The following SEPTIN9 variants were observed in gnomAD, a reference collection of about 807,000 sequenced individuals.
The protein encoded by SEPTIN9 is septin 9.
SEPTIN9 carries 13 observed loss-of-function variants against 56.6 expected under a neutral mutation model. That is an observed-to-expected ratio of 0.23 (90% CI 0.15 to 0.37). The LOEUF is 0.37. Ranked by LOEUF, SEPTIN9 falls within the 10% of genes least tolerant of loss-of-function variation. The probability of loss-of-function intolerance (pLI) is 1.00; values close to 1 mark genes in which losing one functional copy is unlikely to be tolerated. For synonymous variants in SEPTIN9, 332 were observed against 334.1 expected, an observed-to-expected ratio of 0.99 and a Z score of 0.07; for missense variants, 650 against 823.1, an observed-to-expected ratio of 0.79 and a Z score of 2.57.
At chr17:77,365,254 T>G (rs2034537921) in intron 2 of SEPTIN9, among the ~76,000 whole-genome samples, 1 of 152,186 alleles carries the variant, frequency 6.6e-6, no homozygotes, top group Non-Finnish European at 1.5e-5. Context: ...TGACTGCAGA[T>G]GTATTTTGCT....
intron 3 of SEPTIN9, among the ~76,000 whole-genome samples, chr17:77,474,422 G>A (rs1319907011): frequency 6.6e-6 from 1 of 152,236 alleles, no homozygotes; most frequent in Non-Finnish European, 1.5e-5. Context: ...ATGCTAATGT[G>A]CTTTGATAGG....
chr17:77,466,526 C>T (rs1568093140), intron 3 of SEPTIN9: 8 of 985,474 alleles, frequency 8.1e-6, no homozygotes, highest in Non-Finnish European at 9.6e-6. Flanking sequence ...AAGAAGCGGG[C>T]ATTTCTTCCA....
At chr17:77,424,143 G>A (rs760499799) in intron 3 of SEPTIN9, among the ~76,000 whole-genome samples, 4 of 152,250 alleles carry the variant, frequency 2.6e-5, no homozygotes, top group Admixed American at 6.5e-5. Context: ...CGCTGGGCTC[G>A]AAGCTTTATG....
At chr17:77,386,286 A>G (rs531189248) in intron 2 of SEPTIN9, among the ~76,000 whole-genome samples, 17 of 152,180 alleles carry the variant, frequency 1.1e-4, no homozygotes, top group African/African-American at 2.9e-4. Flanking sequence ...TGTTGCTGCA[A>G]TGGGCCCAGG....
rs1281071134 is a variant in SEPTIN9 at position 77,317,784 on chromosome 17, G to A, written c.76+10587G>A. ...ATAAAAAATAAAGGCCAGGCACAGT[G>A]GCTTATGCCTGTAATCCCAGCACTT... On this transcript the variant is annotated intron_variant, in intron 2 of 11. Coordinates refer to ENST00000427177, the MANE Select transcript of SEPTIN9 (RefSeq NM_001113491.2). This position sits in a 1 kb window ranked among gnomAD's most constrained non-coding sequence, Gnocchi z 4.2. Among the ~76,000 whole-genome samples, 2 of 152,208 alleles carry A rather than the reference G, an allele frequency of 1.3e-5. No individual in the cohort carries two copies. The highest frequency in any genetic ancestry group is 4.8e-5 in the African/African-American group (2 of 41,456).
At chr17:77,303,703 A>ATAC (rs979390095) in intron 1 of SEPTIN9, among the ~76,000 whole-genome samples, 4 of 152,000 alleles carry the variant, frequency 2.6e-5, no homozygotes, top group African/African-American at 9.6e-5. Flanking sequence ...AATAATAATA[A>ATAC]TAATAATAAT....
chr17:77,312,984 C>T (rs1439285083), intron 2 of SEPTIN9, among the ~76,000 whole-genome samples: 1 of 152,174 alleles, frequency 6.6e-6, no homozygotes, highest in East Asian at 1.9e-4. Flanking sequence ...GCGGAGAGTT[C>T]TATGGGGGGG....
chr17:77,470,388 G>A (rs201467530), intron 3 of SEPTIN9, among the ~76,000 whole-genome samples: 6 of 110,298 alleles, frequency 5.4e-5, no homozygotes, highest in African/African-American at 1.4e-4. Context: ...CCACTCATCC[G>A]TCCATCCACT....
At chr17:77,355,227 G>A (rs1331766237) in intron 2 of SEPTIN9, among the ~76,000 whole-genome samples, 2 of 152,164 alleles carry the variant, frequency 1.3e-5, no homozygotes, top group Admixed American at 1.3e-4. Flanking sequence ...TTTGGGGTGT[G>A]TGACCTTGGA....
chr17:77,352,064 C>T (rs1476153458), intron 2 of SEPTIN9, among the ~76,000 whole-genome samples: 5 of 152,280 alleles, frequency 3.3e-5, no homozygotes, highest in East Asian at 1.9e-4. Flanking sequence ...TACTGTCCTG[C>T]GGCTGTCATA....
intron 3 of SEPTIN9, among the ~76,000 whole-genome samples, chr17:77,480,703 A>G (rs1279552919): frequency 1.3e-5 from 2 of 152,056 alleles, no homozygotes; most frequent in African/African-American, 2.4e-5. Context: ...CTGGGTGCCC[A>G]CCGGTCCCAG....
chr17:77,338,344 TGTTGATGGCTGCTGAC>T (rs1418920567), intron 2 of SEPTIN9, among the ~76,000 whole-genome samples: 2 of 152,236 alleles, frequency 1.3e-5, no homozygotes, highest in Non-Finnish European at 2.9e-5. Context: ...TCTGCCTCAA[TGTTGATGGCTGCTGAC>T]CAGGTGGTGG....
At chr17:77,320,277 C>T in intron 2 of SEPTIN9, 5 of 1,611,970 alleles carry the variant, frequency 3.1e-6, no homozygotes, top group Non-Finnish European at 2.5e-6. Flanking sequence ...GGGAGGCCGC[C>T]TCTGAGCGGG....
At chr17:77,394,267 G>A (rs986696374) in intron 2 of SEPTIN9, among the ~76,000 whole-genome samples, 3 of 152,198 alleles carry the variant, frequency 2.0e-5, no homozygotes, top group Non-Finnish European at 4.4e-5. Flanking sequence ...TGCCCATGGC[G>A]TACATGCTGC....
In SEPTIN9 at chr17:77,475,617, G is replaced by A. The variant is rs1407664057; in HGVS notation, c.722-6527G>A. On this transcript the variant is annotated intron_variant, in intron 3 of 11. Transcript: ENST00000427177. This position sits in a 1 kb window ranked among gnomAD's most constrained non-coding sequence, Gnocchi z 4.6. The stretch of plus-strand genomic sequence containing the variant: ...ATTCAGGGGAGCCTGCAGAGGGAGG[G>A]CAGCTGGAGGCTGCTCCAGTGTGCA... The A allele has an allele frequency of 6.2e-7, 1 of 1,613,760 alleles. No individual in the cohort carries two copies. The highest frequency in any genetic ancestry group is 8.5e-7 in the Non-Finnish European group (1 of 1,179,882).
chr17:77,472,745 T>TA (rs1358143687), intron 3 of SEPTIN9: 59 of 152,186 alleles, frequency 3.9e-4, no homozygotes, highest in African/African-American at 1.3e-3. Context: ...AGTCTCAGAT[T>TA]TCCGGCATCC....
At chr17:77,312,903 A>G (rs533911992) in intron 2 of SEPTIN9, among the ~76,000 whole-genome samples, 4 of 152,368 alleles carry the variant, frequency 2.6e-5, no homozygotes, top group African/African-American at 9.6e-5. Flanking sequence ...TAGCCCTTCC[A>G]CATTGCAAGC....
At position 77,434,674 on chromosome 17, in the gene SEPTIN9, C is replaced by T. The variant is rs1328113852; in HGVS notation, c.721+31971C>T. On this transcript the variant is annotated intron_variant, in intron 3 of 11. Coordinates refer to ENST00000427177, the MANE Select transcript of SEPTIN9 (RefSeq NM_001113491.2). The surrounding 1 kb of genome is among the most constrained non-coding windows in gnomAD (Gnocchi z 5.0). ...CATTTGTGGGCACCCCCGCCCCAGA[C>T]GTGAGGGTTGGCATCTTCTCTTGCA... Among the ~76,000 whole-genome samples the T allele has an allele frequency of 2.0e-5, 3 of 152,168 alleles. No homozygotes were observed. Among genetic ancestry groups the T allele is most frequent in the Admixed American group, 2.0e-4 (3 of 15,286 alleles).
intron 3 of SEPTIN9, among the ~76,000 whole-genome samples, chr17:77,418,630 G>A (rs2036584241): frequency 6.6e-6 from 1 of 152,092 alleles, no homozygotes; most frequent in African/African-American, 2.4e-5. Flanking sequence ...GGTGTGAGCC[G>A]CCACGCCCAG....
Sources: allele counts gnomAD v4.1 joint callset (sites outside exome capture counted in the v4.1 genomes callset), GRCh38; gene constraint gnomAD v4.1.1; non-coding constraint Gnocchi (gnomAD v3.1); transcripts MANE v1.5; gene names NCBI Gene and HGNC (gene_info 2026-07-23, HGNC 2026-07-21).